Variants in SLC35F4 observed in about 807,000 individuals in gnomAD.
SLC35F4 encodes solute carrier family 35 member F4.
Under a neutral mutation model 44.2 loss-of-function variants are expected in SLC35F4, and 24 were observed. The observed-to-expected ratio is 0.54, with a 90% CI of 0.39 to 0.76. The LOEUF is 0.76. Ranked by LOEUF, SLC35F4 falls within the 30% of genes least tolerant of loss-of-function variation. SLC35F4 has a pLI of 0.00. For missense variants in SLC35F4, 562 were observed against 586.1 expected, an observed-to-expected ratio of 0.96 and a Z score of 0.42; for synonymous variants, 238 against 223.6, an observed-to-expected ratio of 1.06 and a Z score of -0.57.
chr14:57,890,352 G>T (rs897722498), intron 1 of SLC35F4, among the ~76,000 whole-genome samples: 1 of 152,200 alleles, frequency 6.6e-6, no homozygotes, highest in Non-Finnish European at 1.5e-5. Context: ...AAAGCTTGTT[G>T]TAAGCTTCTG....
At chr14:57,598,665 A>G (rs1289715722) in intron 1 of SLC35F4, among the ~76,000 whole-genome samples, 1 of 152,198 alleles carries the variant, frequency 6.6e-6, no homozygotes, top group Admixed American at 6.5e-5. Context: ...CCCAGCTATC[A>G]TTCAAACAAA....
chr14:57,943,872 C>T (rs1362556689), intron 1 of SLC35F4, among the ~76,000 whole-genome samples: 2 of 152,198 alleles, frequency 1.3e-5, no homozygotes, highest in South Asian at 2.1e-4. Context: ...GACTTCCTTC[C>T]CTGCTGGGAG....
chr14:57,952,173 G>A (rs1357852342), intron 1 of SLC35F4, among the ~76,000 whole-genome samples: 3 of 152,100 alleles, frequency 2.0e-5, no homozygotes, highest in Non-Finnish European at 4.4e-5. Context: ...CAGCAAACTC[G>A]AGCAGACCTG....
chr14:57,867,489 T>C (rs1305839451), upstream of SLC35F4, among the ~76,000 whole-genome samples: 2 of 151,684 alleles, frequency 1.3e-5, no homozygotes, highest in African/African-American at 4.8e-5. Flanking sequence ...CTAGGAAAGA[T>C]GGAAGGGTGG....
At chr14:57,624,474 T>C (rs891680614) in intron 1 of SLC35F4, among the ~76,000 whole-genome samples, 3 of 152,220 alleles carry the variant, frequency 2.0e-5, no homozygotes, top group Admixed American at 6.5e-5. Flanking sequence ...GTCATCCTGA[T>C]ACAACAACCT....
chr14:57,939,243 A>G (rs893529018), intron 1 of SLC35F4, among the ~76,000 whole-genome samples: 1 of 152,334 alleles, frequency 6.6e-6, no homozygotes, highest in Non-Finnish European at 1.5e-5. Context: ...GAGGATCTTC[A>G]TAACAGTAGT....
At chr14:57,605,178 T>C (rs541774671) in intron 1 of SLC35F4, among the ~76,000 whole-genome samples, 1 of 152,282 alleles carries the variant, frequency 6.6e-6, no homozygotes, top group South Asian at 2.1e-4. Flanking sequence ...AGACAACCTT[T>C]AGAATTGGAG....
At chr14:57,623,663 C>A (rs146754325) in intron 1 of SLC35F4, among the ~76,000 whole-genome samples, 4,224 of 152,212 alleles carry the variant, frequency 0.028, 77 homozygotes, top group Middle Eastern at 0.054. Flanking sequence ...CAAAACCACA[C>A]AACTACATGG....
At chr14:57,928,609 G>A (rs1168056880) in intron 1 of SLC35F4, among the ~76,000 whole-genome samples, 1 of 152,168 alleles carries the variant, frequency 6.6e-6, no homozygotes, top group Admixed American at 6.5e-5. Context: ...AAACAGAAAG[G>A]TTTCAGTAAG....
chr14:57,666,764 G>T (rs928263628), intron 1 of SLC35F4, among the ~76,000 whole-genome samples: 9 of 151,282 alleles, frequency 5.9e-5, no homozygotes. Flanking sequence ...AGGCAGGCAA[G>T]AAAGCTATCA....
At chr14:57,790,252 T>G (rs2140798963) in intron 1 of SLC35F4, among the ~76,000 whole-genome samples, 1 of 152,294 alleles carries the variant, frequency 6.6e-6, no homozygotes, top group African/African-American at 2.4e-5. Flanking sequence ...TCCCATCATC[T>G]CAGACCAAAA....
intron 1 of SLC35F4, among the ~76,000 whole-genome samples, chr14:57,753,328 A>G (rs978368825): frequency 5.3e-5 from 8 of 152,154 alleles, no homozygotes; most frequent in Non-Finnish European, 1.2e-4. Context: ...TCTGGGTTGG[A>G]TTCCCCAATA....
At chr14:57,796,195 T>C (rs867823131) in intron 1 of SLC35F4, among the ~76,000 whole-genome samples, 2 of 152,312 alleles carry the variant, frequency 1.3e-5, no homozygotes, top group Middle Eastern at 3.4e-3. Context: ...CAGTCCACCA[T>C]TAATGGGCAT....
chr14:57,674,567 G>A (rs1001972640), intron 1 of SLC35F4, among the ~76,000 whole-genome samples: 2 of 151,998 alleles, frequency 1.3e-5, no homozygotes, highest in Admixed American at 1.3e-4. Flanking sequence ...CAATGTGGGT[G>A]GATCTCAGAA....
chr14:57,901,800 A>G (rs1889005782), intron 1 of SLC35F4, among the ~76,000 whole-genome samples: 1 of 152,154 alleles, frequency 6.6e-6, no homozygotes, highest in Non-Finnish European at 1.5e-5. Flanking sequence ...TTCTCATTAT[A>G]CCCTTACCAA....
At chr14:57,628,570 A>C (rs1409200582) in intron 1 of SLC35F4, among the ~76,000 whole-genome samples, 1 of 148,218 alleles carries the variant, frequency 6.7e-6, no homozygotes, top group Non-Finnish European at 1.5e-5. Context: ...TTCTTGTGTT[A>C]GTTTGCTGAG....
At position 57,951,303 on chromosome 14, in the gene SLC35F4, T is replaced by C. The variant is rs1395130058; in HGVS notation, n.282+30610A>G. On this transcript the variant is annotated intron_variant and non_coding_transcript_variant, in intron 1 of 1. Transcript: ENST00000556568. ...TCTTCACAACCTGCAGACCAGGAGA[T>C]TCCCTTGGGTGCCTACACCACCAGG... 2.6e-5 allele frequency among the ~76,000 whole-genome samples: 4 copies of C among 152,144 alleles called. No individual in the cohort carries two copies. The East Asian group carries it at 7.7e-4, about 29-fold the overall frequency.
At chr14:57,617,523 A>G (rs1383671829) in intron 1 of SLC35F4, among the ~76,000 whole-genome samples, 1 of 152,162 alleles carries the variant, frequency 6.6e-6, no homozygotes, top group Non-Finnish European at 1.5e-5. Flanking sequence ...TTATTCACTT[A>G]CCCAATAAAC....
chr14:57,723,594 C>A (rs1037484651), intron 1 of SLC35F4, among the ~76,000 whole-genome samples: 3 of 152,246 alleles, frequency 2.0e-5, no homozygotes, highest in Non-Finnish European at 2.9e-5. Flanking sequence ...ATTAACACAT[C>A]TCCTGGTACC....
Sources: gnomAD v4.1 joint callset for allele counts (sites outside exome capture counted in the v4.1 genomes callset) on GRCh38, gnomAD v4.1.1 for gene constraint, MANE v1.5 for transcripts, NCBI Gene and HGNC (gene_info 2026-07-23, HGNC 2026-07-21) for gene names.